Variants in HTR1E observed in about 807,000 individuals in gnomAD.
HTR1E encodes the protein 5-HT-1E.
In HTR1E, 3 loss-of-function variants were observed where a neutral mutation model predicts 3.4. The ratio of observed to expected loss-of-function variants is 0.89; its 90% CI spans 0.41 to 2.31. HTR1E has a LOEUF of 2.31. Among genes scored for constraint, HTR1E ranks in the 30% most tolerant of loss-of-function variants. The pLI is 0.05. For missense variants in HTR1E, 392 were observed against 467.0 expected (o/e 0.84, Z 1.48); for synonymous variants, 170 against 182.8 (o/e 0.93, Z 0.56).
chr6:86,973,134 G>A (rs183814981), intron 1 of HTR1E, among the ~76,000 whole-genome samples: 1 of 152,168 alleles, frequency 6.6e-6, no homozygotes, highest in Non-Finnish European at 1.5e-5. Flanking sequence ...TTTCCTGGGG[G>A]GTAAAAACTG....
chr6:86,942,815 TACTG>T (rs1768563701), intron 1 of HTR1E, among the ~76,000 whole-genome samples: 1 of 152,186 alleles, frequency 6.6e-6, no homozygotes, highest in African/African-American at 2.4e-5. Flanking sequence ...AACCAGACTG[TACTG>T]ACCCCAGGGT....
At chr6:86,980,760 A>G (rs914471664) in intron 1 of HTR1E, among the ~76,000 whole-genome samples, 2 of 152,180 alleles carry the variant, frequency 1.3e-5, no homozygotes, top group Admixed American at 6.5e-5. Context: ...TATTCCTCTT[A>G]AAGAGTAAAG....
intron 1 of HTR1E, among the ~76,000 whole-genome samples, chr6:86,989,714 T>C (rs1767846004): frequency 6.6e-6 from 1 of 152,020 alleles, no homozygotes; most frequent in Admixed American, 6.6e-5. Flanking sequence ...CAAAAGATGG[T>C]CAGAAATAAT....
rs540760167 is a variant in HTR1E, at chr6:87,008,621, T to C, written c.-185-6529T>C. On this transcript the variant is annotated intron_variant, in intron 1 of 1. Transcript: ENST00000305344. ...AGCAGCCATTCTCTGTGGGGAAAGG[T>C]GAGTGTTGGCTCTTCCTAGAGACAA... 1.6e-3 allele frequency among the ~76,000 whole-genome samples: 250 copies of C among 152,252 alleles called. 1 individual carries two copies. Among genetic ancestry groups the C allele is most frequent in the African/African-American group, 5.7e-3 (238 of 41,528 alleles).
intron 1 of HTR1E, among the ~76,000 whole-genome samples, chr6:87,014,131 T>A (rs1768280606): frequency 6.6e-6 from 1 of 150,836 alleles, no homozygotes; most frequent in Non-Finnish European, 1.5e-5. Flanking sequence ...GACGGGGGAG[T>A]GATAGCATTA....
Position 86,955,846 on chromosome 6 carries a change from C to G in HTR1E, c.-186+18023C>G, listed in dbSNP as rs139280191. Among the ~76,000 whole-genome samples, 549 of 152,162 alleles carry G rather than the reference C, an allele frequency of 3.6e-3. 4 individuals are homozygous for G. Among genetic ancestry groups the G allele is most frequent in the African/African-American group, 0.012 (509 of 41,504 alleles). On this transcript the variant is annotated intron_variant, in intron 1 of 1. Coordinates refer to ENST00000305344, the MANE Select transcript of HTR1E (RefSeq NM_000865.3). ...ACTGATGATAAATTTACACTTGTTG[C>G]TGCAACATCTCAATATTGTAAACCA... is the stretch of plus-strand genomic sequence containing the variant.
intron 1 of HTR1E, among the ~76,000 whole-genome samples, chr6:86,954,806 T>A (rs998196130): frequency 6.6e-6 from 1 of 152,236 alleles, no homozygotes; most frequent in Non-Finnish European, 1.5e-5. Context: ...TAGATACTCT[T>A]AATTCTTCTA....
intron 1 of HTR1E, among the ~76,000 whole-genome samples, chr6:87,010,072 C>A (rs546545163): frequency 8.2e-6 from 1 of 121,952 alleles, no homozygotes; most frequent in Non-Finnish European, 1.7e-5. Context: ...GACCCCCCCA[C>A]CTCCCTCCCG....
At chr6:86,956,044 A>G (rs1419142545) in intron 1 of HTR1E, among the ~76,000 whole-genome samples, 4 of 152,160 alleles carry the variant, frequency 2.6e-5, no homozygotes, top group African/African-American at 9.7e-5. Flanking sequence ...CAGCATTAAC[A>G]CTACAACAGA....
chr6:86,973,298 CTGTGTGTGTGTGTGTGTGTG>C (rs3043129), intron 1 of HTR1E, among the ~76,000 whole-genome samples: 1 of 149,492 alleles, frequency 6.7e-6, no homozygotes, highest in South Asian at 2.1e-4. Context: ...AAGGCAGTGG[CTGTGTGTGTGTGTGTGTGTG>C]TGTGTGTGTG....
intron 1 of HTR1E, among the ~76,000 whole-genome samples, chr6:86,997,207 G>A (rs545530913): frequency 7.2e-4 from 109 of 151,926 alleles, no homozygotes; most frequent in Non-Finnish European, 1.2e-3. Flanking sequence ...ACTTGATAAA[G>A]AACATTGACA....
At chr6:86,949,142 A>G (rs1582256328) in intron 1 of HTR1E, among the ~76,000 whole-genome samples, 3 of 152,320 alleles carry the variant, frequency 2.0e-5, no homozygotes, top group Admixed American at 2.0e-4. Context: ...GTTGTAGTTA[A>G]GACAGATTCT....
chr6:86,977,194 C>G (rs1158703707), intron 1 of HTR1E, among the ~76,000 whole-genome samples: 2 of 152,130 alleles, frequency 1.3e-5, no homozygotes, highest in Non-Finnish European at 1.5e-5. Flanking sequence ...TCCCCCTCTC[C>G]CTCCTCTGGT....
At chr6:87,010,397 G>C (rs1768199498) in intron 1 of HTR1E, among the ~76,000 whole-genome samples, 1 of 148,456 alleles carries the variant, frequency 6.7e-6, no homozygotes, top group Non-Finnish European at 1.5e-5. Flanking sequence ...GGACGGGGTG[G>C]CTGGCCGGGC....
chr6:86,971,942 C>G (rs1280981285), intron 1 of HTR1E, among the ~76,000 whole-genome samples: 2 of 151,800 alleles, frequency 1.3e-5, no homozygotes, highest in African/African-American at 4.9e-5. Flanking sequence ...TTTAAATGTC[C>G]TTAAAATTTA....
chr6:87,014,329 G>A (rs1768284285), intron 1 of HTR1E, among the ~76,000 whole-genome samples: 1 of 151,618 alleles, frequency 6.6e-6, no homozygotes, highest in African/African-American at 2.4e-5. Flanking sequence ...AGGATGTGAA[G>A]AAATAGGAAT....
chr6:87,003,698 T>C (rs1000057428), intron 1 of HTR1E, among the ~76,000 whole-genome samples: 1 of 151,826 alleles, frequency 6.6e-6, no homozygotes, highest in Non-Finnish European at 1.5e-5. Context: ...CCTAATAATA[T>C]GTCTTATACA....
At chr6:87,002,407 G>C (rs889896517) in intron 1 of HTR1E, among the ~76,000 whole-genome samples, 2 of 152,242 alleles carry the variant, frequency 1.3e-5, no homozygotes. Context: ...CCACAGTATG[G>C]AAGGGGACCC....
chr6:86,975,482 A>G (rs551033779), intron 1 of HTR1E, among the ~76,000 whole-genome samples: 27 of 151,948 alleles, frequency 1.8e-4, no homozygotes, highest in South Asian at 4.2e-4. Flanking sequence ...CGCTCCATCT[A>G]TATATTCTCC....
Sources: allele counts gnomAD v4.1 joint callset (sites outside exome capture counted in the v4.1 genomes callset), GRCh38; gene constraint gnomAD v4.1.1; transcripts MANE v1.5; gene names NCBI Gene and HGNC (gene_info 2026-07-23, HGNC 2026-07-21).